MROH7: variants seen among roughly 807,000 people sequenced by gnomAD.
MROH7 encodes the protein maestro heat-like repeat-containing protein family member 7.
Under a neutral mutation model 129.2 loss-of-function variants are expected in MROH7, and 113 were observed. That is an observed-to-expected ratio of 0.87 (90% CI 0.75 to 1.02). The LOEUF is 1.02. Among genes scored for constraint, MROH7 ranks in the 50% least tolerant of loss-of-function variants. MROH7 has a pLI of 0.00. For missense variants in MROH7, 1,601 were observed against 1,671.3 expected (o/e 0.96, Z 0.73); for synonymous variants, 655 against 667.9 (o/e 0.98, Z 0.30).
chr1:54,679,569 A>G (rs1645036323), intron 12 of MROH7, 130 bp downstream of exon 12: 12 of 1,036,376 alleles, frequency 1.2e-5, no homozygotes, highest in Non-Finnish European at 1.5e-5. Context: ...GCCATGGGGC[A>G]GGGAAGGGGT....
At position 54,695,882 on chromosome 1, in the gene MROH7, C is replaced by A. The variant is rs1645314557; in HGVS notation, c.2964+392C>A. The stretch of plus-strand genomic sequence containing the variant: ...TGAGTGATTTGTACTATGATGGGGC[C>A]ATCTAGGCTGTGGTGGGGAAACAAG... On this transcript the variant is annotated intron_variant, in intron 17 of 23. Transcript: ENST00000421030. 2.8e-5 allele frequency: 9 copies of A among 321,002 alleles called. No individual in the cohort carries two copies. In the Admixed American group the frequency reaches 4.1e-4, roughly 15 times the overall value. 19.9% of individuals were successfully genotyped at this position (321,002 alleles called of 1,614,324 possible). A position where few individuals can be genotyped will look rare whatever the true frequency, so the allele number is the denominator to read the frequency against.
intron 10 of MROH7, among the ~76,000 whole-genome samples, chr1:54,676,985 G>A (rs974309703): frequency 1.3e-5 from 2 of 152,154 alleles, no homozygotes; most frequent in East Asian, 3.9e-4. Context: ...AGGATTACAG[G>A]CATGAGCCAC....
At chr1:54,681,706 C>A (rs887763366) in intron 13 of MROH7, among the ~76,000 whole-genome samples, 9 of 152,156 alleles carry the variant, frequency 5.9e-5, no homozygotes, top group African/African-American at 2.2e-4. Flanking sequence ...GGTGCAGATG[C>A]TTTTCCTTGC....
chr1:54,666,329 A>T (rs372447385), intron 4 of MROH7, among the ~76,000 whole-genome samples: 19 of 151,852 alleles, frequency 1.3e-4, no homozygotes, highest in African/African-American at 3.9e-4. Flanking sequence ...CTGCCCCCCA[A>T]TGAGGGCTCA....
At position 54,686,226 on chromosome 1, in the gene MROH7, G is replaced by A. The variant is rs561845787; in HGVS notation, c.2521-32G>A. The A allele has an allele frequency of 1.7e-5, 27 of 1,579,334 alleles. No individual in the cohort carries two copies. In the African/African-American group the frequency reaches 2.8e-4, roughly 16 times the overall value. On this transcript the variant is annotated intron_variant, in intron 14 of 23. Transcript: ENST00000421030. ...CAGGAGTGCTGGGAAGATGGGCCAC[G>A]ACATCCCAGCAGCCTCCCCTCTGCC... is the stretch of plus-strand genomic sequence containing the variant.
chr1:54,656,341 C>T (rs535505791), intron 3 of MROH7, among the ~76,000 whole-genome samples: 117 of 139,610 alleles, frequency 8.4e-4, no homozygotes, highest in African/African-American at 2.9e-3. Context: ...GCAAATCCCC[C>T]TCTCTACTAA....
At chr1:54,707,004 T>C (rs1471316813) in intron 22 of MROH7, among the ~76,000 whole-genome samples, 1 of 152,166 alleles carries the variant, frequency 6.6e-6, no homozygotes, top group Non-Finnish European at 1.5e-5. Context: ...AGGGATCACC[T>C]CCTGTTTCAC....
rs1158090830 is a variant in MROH7 at position 54,692,409 on chromosome 1, G to A, written c.2712-15G>A. ...CCCAGGTAGGCATGAGGTCTTAATT[G>A]CCTTGTCTTGGCAGCTGGGTGGTGA... On this transcript the variant is annotated splice_polypyrimidine_tract_variant and intron_variant, in intron 15 of 23. Coordinates refer to ENST00000421030, the MANE Select transcript of MROH7 (RefSeq NM_001039464.4). The A allele has an allele frequency of 1.9e-6, 3 of 1,613,744 alleles. No homozygotes were observed. The highest frequency in any genetic ancestry group is 1.7e-6 in the Non-Finnish European group (2 of 1,179,844).
chr1:54,658,966 G>C, intron 3 of MROH7: 1 of 280,322 alleles, frequency 3.6e-6, no homozygotes, highest in South Asian at 2.8e-5. Context: ...AACTGCTCTT[G>C]GTTGCTAATC....
intron 13 of MROH7, among the ~76,000 whole-genome samples, chr1:54,681,134 T>A (rs1433407313): frequency 2.0e-5 from 3 of 152,120 alleles, no homozygotes; most frequent in African/African-American, 7.2e-5. Flanking sequence ...GGACATAGTC[T>A]CGGGTGCCAA....
Position 54,654,118 on chromosome 1 carries a change from G to T in MROH7, c.1192G>T (p.Ala398Ser), listed in dbSNP as rs558242326. 4 of 1,613,474 alleles carry T rather than the reference G, an allele frequency of 2.5e-6. No homozygotes were observed. The highest frequency in any genetic ancestry group is 2.2e-5 in the East Asian group (1 of 44,836). The change falls in exon 3 of 24, where the codon GCA becomes TCA. Residue 398 changes from alanine (A) to serine (S), a missense_variant. Coordinates refer to ENST00000421030, the MANE Select transcript of MROH7 (RefSeq NM_001039464.4). Reference protein sequence around the residue: ...FPLGFPISNPAGKDAVTLQGI... With the variant: ...FPLGFPISNPSGKDAVTLQGI... ...GCTGGGATTCCCCATCTCCAACCCC[G>T]CAGGCAAGGACGCCGTGACCTTGCA...
chr1:54,651,806 C>CTCTT (rs1553168952), intron 1 of MROH7, 143 bp from the exon 2 acceptor site: 1 of 132,724 alleles, frequency 7.5e-6, no homozygotes, highest in Non-Finnish European at 1.6e-5. Flanking sequence ...CTCTCTCTCT[C>CTCTT]TCTCTGTGTG....
intron 7 of MROH7, among the ~76,000 whole-genome samples, chr1:54,671,700 G>C (rs1165304364): frequency 6.6e-6 from 1 of 152,190 alleles, no homozygotes; most frequent in Non-Finnish European, 1.5e-5. Context: ...TTAAGGCAAA[G>C]GGTTTTAGCG....
intron 15 of MROH7, among the ~76,000 whole-genome samples, chr1:54,691,675 G>A (rs547973927): frequency 4.6e-4 from 69 of 151,522 alleles, no homozygotes; most frequent in Non-Finnish European, 4.1e-4. Context: ...GTGTGGTGGC[G>A]CATGCCTGTA....
rs1201212930 is a variant in MROH7, at chr1:54,674,079, C to T, written c.1864C>T (p.Pro622Ser). The T allele has an allele frequency of 2.9e-5, 46 of 1,613,886 alleles. No homozygotes were observed. The highest frequency in any genetic ancestry group is 3.8e-5 in the Non-Finnish European group (45 of 1,179,940). The change falls in exon 10 of 24, where the codon CCT becomes TCT. Residue 622 changes from proline to serine, a missense_variant. Physicochemically the swap from Pro to Ser is moderately conservative, Grantham distance 74. Coordinates refer to ENST00000421030, the MANE Select transcript of MROH7 (RefSeq NM_001039464.4). ...GAGACTCATCCTTCACATTGGGGAT[C>T]CTGATGAGGAGATTGGCTGTGAGGC... ...LGRLILHIGDPDEEIGCEALD... is the reference protein window; with the variant it reads ...LGRLILHIGDSDEEIGCEALD...
intron 6 of MROH7, 59 bp downstream of exon 6, chr1:54,670,635 C>A (rs977182524): frequency 4.1e-5 from 62 of 1,530,632 alleles, no homozygotes; most frequent in Non-Finnish European, 4.9e-5. Flanking sequence ...CCACTTCTGC[C>A]TCCCTCCATC....
chr1:54,707,589 C>G (rs1570008312), intron 22 of MROH7, among the ~76,000 whole-genome samples: 4 of 152,152 alleles, frequency 2.6e-5, no homozygotes, highest in South Asian at 2.1e-4. Context: ...GTGGGGGCTG[C>G]TCAGAGACAT....
rs774283757 is a variant in MROH7, at chr1:54,701,162, T to G, written c.3125T>G (p.Leu1042Arg). 32 of 1,613,748 alleles carry G rather than the reference T, an allele frequency of 2.0e-5. No homozygotes were observed. Among genetic ancestry groups the G allele is most frequent in the Non-Finnish European group, 2.5e-5 (29 of 1,180,026 alleles). The change falls in exon 19 of 24, where the codon CTC becomes CGC. Residue 1042 changes from leucine to arginine, a missense_variant. Coordinates refer to ENST00000421030, the MANE Select transcript of MROH7 (RefSeq NM_001039464.4). ...CCACAGACCGCCAAGGTGAAGGCCC[T>G]CCTGCCCTCCATGGTGAAGGGCCTG... is the stretch of plus-strand genomic sequence containing the variant. Reference protein sequence around the residue: ...RSEKTAKVKALLPSMVKGLKN... With the variant: ...RSEKTAKVKARLPSMVKGLKN...
In MROH7 at chr1:54,684,342, C is replaced by G. The variant is rs542526517; in HGVS notation, c.2520+1548C>G. Among the ~76,000 whole-genome samples, 6 of 152,322 alleles carry G rather than the reference C, an allele frequency of 3.9e-5. No individual in the cohort carries two copies. The South Asian group carries it at 1.2e-3, about 32-fold the overall frequency. Reference sequence around the variant, plus strand: ...CCCAGCAGATCTTCCGCTTCCAAATCCTGCGCTTCACTCCCATATATCTCT... The same window carrying G: ...CCCAGCAGATCTTCCGCTTCCAAATGCTGCGCTTCACTCCCATATATCTCT... On this transcript the variant is annotated intron_variant, in intron 14 of 23. Transcript: ENST00000421030.
Sources: allele counts gnomAD v4.1 joint callset (sites outside exome capture counted in the v4.1 genomes callset), GRCh38; gene constraint gnomAD v4.1.1; transcripts MANE v1.5; gene names NCBI Gene and HGNC (gene_info 2026-07-23, HGNC 2026-07-21).